Variants in GAS7 observed in about 807,000 individuals in gnomAD.
GAS7 encodes the protein growth arrest specific 7.
In GAS7, 28 loss-of-function variants were observed where a neutral mutation model predicts 71.1. The ratio of observed to expected loss-of-function variants is 0.39; its 90% CI spans 0.29 to 0.54. GAS7 has a LOEUF of 0.54. Ranked by LOEUF, GAS7 falls within the 20% of genes least tolerant of loss-of-function variation. The pLI, the probability that GAS7 is intolerant of heterozygous loss-of-function variation, is 0.62. For missense variants in GAS7, 436 were observed against 627.8 expected (o/e 0.69, Z 3.27); for synonymous variants, 258 against 245.8 (o/e 1.05, Z -0.46).
rs1212328057 is a variant in GAS7 at position 9,926,550 on chromosome 17, G to A, written c.1014+91C>T. ...TACCTGGGGACAAAGACTCAGCCTT[G>A]GCGTATGGAGCCACTGCTGGCTTCC... On this transcript the variant is annotated intron_variant, in intron 10 of 13. Transcript: ENST00000432992. This position sits in a 1 kb window ranked among gnomAD's most constrained non-coding sequence, Gnocchi z 5.0. 3.7e-6 allele frequency: 5 copies of A among 1,351,966 alleles called. No individual in the cohort carries two copies. The highest frequency in any genetic ancestry group is 1.7e-5 in the Admixed American group (1 of 58,524). The allele number at this position is 1,351,966 out of a possible 1,614,324, so 83.7% of individuals were successfully genotyped here.
chr17:10,069,517 T>C (rs9303248), intron 1 of GAS7, among the ~76,000 whole-genome samples: 12,714 of 152,266 alleles, frequency 0.083, 1,786 homozygotes, highest in African/African-American at 0.29. Context: ...GCCAAGCACA[T>C]GACAAGCATG....
intron 5 of GAS7, among the ~76,000 whole-genome samples, chr17:9,953,701 G>A (rs1266078236): frequency 2.0e-5 from 3 of 152,222 alleles, no homozygotes; most frequent in South Asian, 2.1e-4. Flanking sequence ...TCAGTGCCAC[G>A]TGCTACGCTA....
At chr17:10,060,872 C>A (rs1007991411) in intron 1 of GAS7, among the ~76,000 whole-genome samples, 1 of 152,080 alleles carries the variant, frequency 6.6e-6, no homozygotes, top group Non-Finnish European at 1.5e-5. Flanking sequence ...CTTTGTCCCC[C>A]CTGAGGACAT....
intron 1 of GAS7, among the ~76,000 whole-genome samples, chr17:10,079,811 C>T (rs2073437974): frequency 6.6e-6 from 1 of 152,196 alleles, no homozygotes; most frequent in Non-Finnish European, 1.5e-5. Flanking sequence ...TTCAAATATT[C>T]GACAGAGTTT....
At chr17:9,920,253 T>C (rs1229445125) in intron 11 of GAS7, among the ~76,000 whole-genome samples, 1 of 152,046 alleles carries the variant, frequency 6.6e-6, no homozygotes, top group Non-Finnish European at 1.5e-5. Flanking sequence ...AACGCATCTG[T>C]AGTCACAGTC....
At chr17:10,033,494 A>C (rs1391349040) in intron 1 of GAS7, among the ~76,000 whole-genome samples, 1 of 152,224 alleles carries the variant, frequency 6.6e-6, no homozygotes, top group African/African-American at 2.4e-5. Flanking sequence ...AAATGGATTT[A>C]AGTTCAGAAG....
intron 1 of GAS7, among the ~76,000 whole-genome samples, chr17:10,040,391 A>G: frequency 6.6e-6 from 1 of 152,230 alleles, no homozygotes; most frequent in Non-Finnish European, 1.5e-5. Flanking sequence ...ATGGGAGGCC[A>G]TGAGGACACC....
chr17:10,005,264 CAT>C (rs2071474474), intron 2 of GAS7, among the ~76,000 whole-genome samples: 2 of 151,066 alleles, frequency 1.3e-5, no homozygotes, highest in African/African-American at 4.9e-5. Flanking sequence ...TGCACACATA[CAT>C]GTATGTATAT....
intron 1 of GAS7, among the ~76,000 whole-genome samples, chr17:10,061,730 C>T (rs537143577): frequency 1.8e-4 from 27 of 152,262 alleles, no homozygotes; most frequent in African/African-American, 6.5e-4. Context: ...GGCACCCACC[C>T]CCTTTCAGGC....
intron 1 of GAS7, among the ~76,000 whole-genome samples, chr17:10,064,082 T>C (rs1256610666): frequency 6.6e-6 from 1 of 152,206 alleles, no homozygotes; most frequent in Non-Finnish European, 1.5e-5. Flanking sequence ...GATGCTCCGA[T>C]AATGTGATTT....
intron 1 of GAS7, among the ~76,000 whole-genome samples, chr17:10,141,754 A>G (rs536773626): frequency 7.2e-5 from 11 of 152,338 alleles, no homozygotes; most frequent in African/African-American, 2.2e-4. Context: ...TAAAATGTGT[A>G]TGATAGATAC....
chr17:9,922,965 G>A (rs1333673546), intron 11 of GAS7, among the ~76,000 whole-genome samples: 1 of 152,168 alleles, frequency 6.6e-6, no homozygotes, highest in Non-Finnish European at 1.5e-5. Flanking sequence ...CTGGAGTGCA[G>A]TGCTGCGATC....
chr17:10,088,316 A>C (rs1185244717), intron 1 of GAS7, among the ~76,000 whole-genome samples: 1 of 151,986 alleles, frequency 6.6e-6, no homozygotes, highest in Non-Finnish European at 1.5e-5. Flanking sequence ...TAGGGGTACC[A>C]CTGGGACAGG....
chr17:9,934,970 C>G (rs56994628), intron 8 of GAS7, among the ~76,000 whole-genome samples: 1 of 152,114 alleles, frequency 6.6e-6, no homozygotes, highest in Admixed American at 6.5e-5. Flanking sequence ...TCCTGACCAA[C>G]TGAGAGCAGC....
chr17:9,969,768 G>A lies in GAS7; in HGVS notation c.386-6C>T, dbSNP rs1696102156. The A allele has an allele frequency of 1.3e-6, 2 of 1,592,904 alleles. No homozygotes were observed. The highest frequency in any genetic ancestry group is 1.3e-5 in the African/African-American group (1 of 74,580). The stretch of plus-strand genomic sequence containing the variant: ...TGATGCGTGGTATCCATTCACTGCA[G>A]GGACAGAGACACGGCTCAGATGCTG... On this transcript the variant is annotated splice_region_variant and splice_polypyrimidine_tract_variant and intron_variant, in intron 3 of 13. Transcript: ENST00000432992. This position sits in a 1 kb window ranked among gnomAD's most constrained non-coding sequence, Gnocchi z 5.5.
chr17:10,106,559 T>C (rs1182135001), intron 1 of GAS7, among the ~76,000 whole-genome samples: 6 of 152,156 alleles, frequency 3.9e-5, no homozygotes, highest in Admixed American at 3.9e-4. Context: ...GATTTGAGAT[T>C]TGCATCTTTA....
chr17:10,146,367 C>G (rs148950794), intron 1 of GAS7, among the ~76,000 whole-genome samples: 8 of 152,316 alleles, frequency 5.3e-5, no homozygotes, highest in Non-Finnish European at 1.0e-4. Context: ...CAAGTCCTGG[C>G]CAAGTTTTCC....
chr17:10,094,602 G>A (rs932990268), intron 1 of GAS7, among the ~76,000 whole-genome samples: 3 of 152,008 alleles, frequency 2.0e-5, no homozygotes, highest in Non-Finnish European at 4.4e-5. Flanking sequence ...CCAAGTAGCT[G>A]AGACCACAGA....
At chr17:10,015,269 C>T (rs1403752716) in intron 2 of GAS7, among the ~76,000 whole-genome samples, 10 of 152,064 alleles carry the variant, frequency 6.6e-5, no homozygotes, top group Admixed American at 2.0e-4. Flanking sequence ...CACCTATTAT[C>T]CCCAGGCACC....
Sources: gnomAD v4.1 joint callset for allele counts (sites outside exome capture counted in the v4.1 genomes callset) on GRCh38, gnomAD v4.1.1 for gene constraint, Gnocchi (gnomAD v3.1) non-coding constraint, MANE v1.5 for transcripts, NCBI Gene and HGNC (gene_info 2026-07-23, HGNC 2026-07-21) for gene names.